LTBP2: variants seen among roughly 807,000 people sequenced by gnomAD.
The protein encoded by LTBP2 is latent transforming growth factor beta binding protein 2, also known as latent-transforming growth factor beta-binding protein 2.
A neutral mutation model predicts 210.6 loss-of-function variants in LTBP2; 103 were observed. The observed-to-expected ratio is 0.49, with a 90% confidence interval of 0.42 to 0.58. LTBP2 has a LOEUF of 0.58. LTBP2 is among the 20% of genes least tolerant of loss of function. The pLI, the probability that LTBP2 is intolerant of heterozygous loss-of-function variation, is 0.00. For missense variants in LTBP2, 2,313 were observed against 2,494.5 expected (o/e 0.93, Z 1.55); for synonymous variants, 1,007 against 1,015.0 (o/e 0.99, Z 0.15).
rs767427329 is a variant in LTBP2 at position 74,502,866 on chromosome 14, G to T, written c.4957C>A (p.Pro1653Thr). Residue 1653 changes from proline (P) to threonine (T), a missense_variant, in exon 34 of 36, where the codon CCA becomes ACA. Pro to Thr is a conservative substitution (Grantham distance 38). Transcript: ENST00000261978. The part of the protein sequence containing the change: ...AEREAGVHFR[P>T]GYEYGPGPDD... Reference sequence around the variant, plus strand: ...GGCCCGGGGCCATACTCATAGCCTGGCCGGAAGTGGACCCCGGCCTCCCGC... The same window carrying T: ...GGCCCGGGGCCATACTCATAGCCTGTCCGGAAGTGGACCCCGGCCTCCCGC... 7.4e-6 allele frequency: 12 copies of T among 1,613,776 alleles called. No homozygotes were observed. Among genetic ancestry groups the T allele is most frequent in the Admixed American group, 1.7e-5 (1 of 60,014 alleles).
intron 8 of LTBP2, among the ~76,000 whole-genome samples, chr14:74,537,268 G>A (rs1357572266): frequency 6.6e-6 from 1 of 152,142 alleles, no homozygotes; most frequent in African/African-American, 2.4e-5. Flanking sequence ...GCTCTAGCAG[G>A]AGGCATACTT....
At chr14:74,507,111 T>C in intron 26 of LTBP2, 68 bp downstream of exon 26, 1 of 1,612,280 alleles carries the variant, frequency 6.2e-7, no homozygotes, top group East Asian at 2.2e-5. Flanking sequence ...GAAAATCATG[T>C]CTCGCTCAAT....
intron 2 of LTBP2, among the ~76,000 whole-genome samples, chr14:74,603,122 C>A (rs553798692): frequency 1.3e-5 from 2 of 152,316 alleles, no homozygotes; most frequent in African/African-American, 4.8e-5. Context: ...CTGTGTCCAG[C>A]TGGAGGCATT....
chr14:74,583,905 G>A (rs2088169787), intron 3 of LTBP2, among the ~76,000 whole-genome samples: 1 of 152,236 alleles, frequency 6.6e-6, no homozygotes, highest in Non-Finnish European at 1.5e-5. Context: ...GAAAAATGGA[G>A]AACCCACCAT....
chr14:74,597,172 T>C (rs1223226333), intron 2 of LTBP2, among the ~76,000 whole-genome samples: 2 of 152,058 alleles, frequency 1.3e-5, no homozygotes, highest in African/African-American at 2.4e-5. Flanking sequence ...CCATGAGGGT[T>C]TGAAGGAAGA....
intron 17 of LTBP2, among the ~76,000 whole-genome samples, chr14:74,519,558 A>G (rs1412975191): frequency 1.3e-5 from 2 of 151,686 alleles, no homozygotes; most frequent in Non-Finnish European, 2.9e-5. Context: ...AAATAGATAT[A>G]AATATCAAAT....
intron 3 of LTBP2, among the ~76,000 whole-genome samples, chr14:74,563,761 G>A (rs4903238): frequency 0.37 from 55,450 of 151,540 alleles, 12,363 homozygotes; most frequent in Non-Finnish European, 0.51. Flanking sequence ...TGGCACCGCT[G>A]AGTAGTTGCA....
intron 15 of LTBP2, among the ~76,000 whole-genome samples, chr14:74,523,650 CAGCAG>C (rs1176408096): frequency 6.6e-6 from 1 of 152,156 alleles, no homozygotes. Context: ...GCTGTGTAGA[CAGCAG>C]AGACTTTAGC....
chr14:74,582,416 A>T (rs962589966), intron 3 of LTBP2, among the ~76,000 whole-genome samples: 1 of 150,998 alleles, frequency 6.6e-6, no homozygotes, highest in Non-Finnish European at 1.5e-5. Context: ...ACACACACAC[A>T]CACACACACA....
At chr14:74,535,876 G>A (rs1595260159) in intron 9 of LTBP2, 50 bp downstream of exon 9, 1 of 1,518,168 alleles carries the variant, frequency 6.6e-7, no homozygotes, top group Middle Eastern at 1.7e-4. Context: ...TCTGGTGCTG[G>A]GAGTGTGCCC....
intron 8 of LTBP2, among the ~76,000 whole-genome samples, chr14:74,545,136 G>A (rs888340765): frequency 6.6e-6 from 1 of 152,138 alleles, no homozygotes; most frequent in African/African-American, 2.4e-5. Context: ...GTTTCCTTCA[G>A]GGAGGCTCAG....
chr14:74,526,443 A>G (rs542706332), intron 13 of LTBP2, among the ~76,000 whole-genome samples: 1 of 152,362 alleles, frequency 6.6e-6, no homozygotes, highest in South Asian at 2.1e-4. Flanking sequence ...ATCTCAACAC[A>G]GTAACAGAAG....
At chr14:74,512,552 G>T (rs1362130084) in intron 18 of LTBP2, among the ~76,000 whole-genome samples, 1 of 152,202 alleles carries the variant, frequency 6.6e-6, no homozygotes, top group Non-Finnish European at 1.5e-5. Context: ...GAGGGTGAAA[G>T]TGAGTCCTCT....
chr14:74,501,444 C>T lies in LTBP2; in HGVS notation c.5317G>A (p.Val1773Ile), dbSNP rs371338219. The change falls in exon 35 of 36, where the codon GTA becomes ATA. Residue 1773 changes from valine to isoleucine, a missense_variant. Physicochemically the swap from Val to Ile is conservative, Grantham distance 29 (BLOSUM62 3). Coordinates refer to ENST00000261978, the MANE Select transcript of LTBP2 (RefSeq NM_000428.3). ...FQLDAAHMAC[V>I]DVNECDDLNG... ...TCCATCAGAATTCTGCACTTACCTA[C>T]GCAGGCCATGTGGGCCGCATCCAGC... 2.5e-5 allele frequency: 40 copies of T among 1,613,988 alleles called. No individual in the cohort carries two copies. Among genetic ancestry groups the T allele is most frequent in the Middle Eastern group, 1.6e-4 (1 of 6,084 alleles).
intron 16 of LTBP2, among the ~76,000 whole-genome samples, chr14:74,522,257 C>T (rs2087214795): frequency 6.6e-6 from 1 of 152,186 alleles, no homozygotes; most frequent in Non-Finnish European, 1.5e-5. Context: ...GCGTGACTGC[C>T]AGCCCCTCCT....
chr14:74,575,565 C>T (rs533775183), intron 3 of LTBP2, among the ~76,000 whole-genome samples: 4 of 152,312 alleles, frequency 2.6e-5, no homozygotes, highest in Admixed American at 1.3e-4. Context: ...GAACAGCAGG[C>T]GTCCCTCCCC....
chr14:74,597,880 TG>T (rs1281418598), intron 2 of LTBP2, among the ~76,000 whole-genome samples: 1 of 152,196 alleles, frequency 6.6e-6, no homozygotes, highest in African/African-American at 2.4e-5. Context: ...TGGCTCCTGG[TG>T]GGTGCTAACC....
At chr14:74,564,321 A>T (rs1167404129) in intron 3 of LTBP2, among the ~76,000 whole-genome samples, 40 of 11,372 alleles carry the variant, frequency 3.5e-3, no homozygotes, top group South Asian at 5.6e-3. Context: ...ATATATATTT[A>T]TATATATATT....
chr14:74,584,563 C>T lies in LTBP2; in HGVS notation c.830+1291G>A, dbSNP rs562610268. The stretch of plus-strand genomic sequence containing the variant: ...AAGGCACCGGCACTGCCCACCTGCT[C>T]ACTGCCAATCCCAGGCCCTCATTGT... On this transcript the variant is annotated intron_variant, in intron 3 of 35. Transcript: ENST00000261978. 6.6e-5 allele frequency among the ~76,000 whole-genome samples: 10 copies of T among 152,300 alleles called. No homozygotes were observed. In the South Asian group the frequency reaches 2.1e-3, roughly 32 times the overall value.
Sources: allele counts gnomAD v4.1 joint callset (sites outside exome capture counted in the v4.1 genomes callset), GRCh38; gene constraint gnomAD v4.1.1; transcripts MANE v1.5; gene names NCBI Gene and HGNC (gene_info 2026-07-23, HGNC 2026-07-21).